GRIK2: variants seen among roughly 807,000 people sequenced by gnomAD.
GRIK2 encodes glutamate ionotropic receptor kainate type subunit 2, also known as glutamate receptor ionotropic, kainate 2.
Under a neutral mutation model 100.3 loss-of-function variants are expected in GRIK2, and 32 were observed. That is an observed-to-expected ratio of 0.32 (90% CI 0.24 to 0.43). GRIK2 has a LOEUF of 0.43. Ranked by LOEUF, GRIK2 falls within the 20% of genes least tolerant of loss-of-function variation. GRIK2 has a pLI of 1.00. For missense variants in GRIK2, 843 were observed against 1,114.9 expected (o/e 0.76, Z 3.47); for synonymous variants, 417 against 389.4 (o/e 1.07, Z -0.83).
chr6:101,909,937 A>T (rs955947084), intron 12 of GRIK2, among the ~76,000 whole-genome samples: 2 of 151,242 alleles, frequency 1.3e-5, no homozygotes, highest in Admixed American at 6.6e-5. Flanking sequence ...TATCAGAAAT[A>T]AAAATCTGAT....
intron 14 of GRIK2, among the ~76,000 whole-genome samples, chr6:102,017,345 C>T (rs918410096): frequency 6.6e-6 from 1 of 152,136 alleles, no homozygotes; most frequent in Non-Finnish European, 1.5e-5. Context: ...GTCATGAGAA[C>T]AGCATGGTGG....
intron 14 of GRIK2, among the ~76,000 whole-genome samples, chr6:102,020,505 G>C (rs1194126746): frequency 6.6e-6 from 1 of 151,814 alleles, no homozygotes; most frequent in Non-Finnish European, 1.5e-5. Context: ...CTGAAGACAG[G>C]CCAAGGTGAT....
intron 14 of GRIK2, among the ~76,000 whole-genome samples, chr6:101,952,116 A>T (rs1345051791): frequency 6.6e-6 from 1 of 152,172 alleles, no homozygotes; most frequent in East Asian, 1.9e-4. Flanking sequence ...CCATTTCAGC[A>T]ATTTTGTCAC....
At chr6:101,744,519 CGCGCATATATATATAT>C (rs1224577110) in intron 7 of GRIK2, 1 of 75,578 alleles carries the variant, frequency 1.3e-5, no homozygotes, top group Admixed American at 1.5e-4. Context: ...TGTGTGCGTG[CGCGCATATATATATAT>C]ATATATATAT....
chr6:101,593,078 T>G (rs1778751682), intron 2 of GRIK2, among the ~76,000 whole-genome samples: 1 of 151,946 alleles, frequency 6.6e-6, no homozygotes, highest in South Asian at 2.1e-4. Flanking sequence ...AAATAAGGAA[T>G]TTAGATTGCT....
chr6:101,868,140 C>A (rs989703690), intron 11 of GRIK2, among the ~76,000 whole-genome samples: 1 of 150,428 alleles, frequency 6.6e-6, no homozygotes, highest in African/African-American at 2.5e-5. Context: ...AAACTGGAAG[C>A]AACTAATTTG....
chr6:101,896,322 G>T (rs1337229420), intron 12 of GRIK2, among the ~76,000 whole-genome samples: 2 of 151,664 alleles, frequency 1.3e-5, no homozygotes, highest in Non-Finnish European at 3.0e-5. Flanking sequence ...ATCTTCAGAG[G>T]AGAAATCAAA....
At chr6:101,838,836 A>G (rs1783315494) in intron 10 of GRIK2, among the ~76,000 whole-genome samples, 2 of 151,996 alleles carry the variant, frequency 1.3e-5, no homozygotes, top group South Asian at 2.1e-4. Context: ...TATTTTTAGT[A>G]GAGACGAGGT....
At chr6:101,520,905 G>A (rs1464464939) in intron 2 of GRIK2, among the ~76,000 whole-genome samples, 1 of 151,834 alleles carries the variant, frequency 6.6e-6, no homozygotes, top group Non-Finnish European at 1.5e-5. Context: ...TCAACTCAAA[G>A]TTTTCAAAAT....
intron 12 of GRIK2, 153 bp downstream of exon 12, chr6:101,890,016 A>G: frequency 1.6e-6 from 1 of 615,882 alleles, no homozygotes; most frequent in East Asian, 2.7e-5. Flanking sequence ...ACATTCATTT[A>G]TTAAAATGTA....
chr6:102,024,028 A>G (rs1335024), intron 14 of GRIK2, among the ~76,000 whole-genome samples: 41,002 of 151,062 alleles, frequency 0.27, 5,971 homozygotes, highest in East Asian at 0.34. Context: ...AGAGTCTAAA[A>G]TCATAGAGCA....
intron 2 of GRIK2, among the ~76,000 whole-genome samples, chr6:101,460,030 T>C (rs1771218116): frequency 6.6e-6 from 1 of 152,192 alleles, no homozygotes; most frequent in Non-Finnish European, 1.5e-5. Flanking sequence ...GTGCTGGGAT[T>C]ATAGGCATGA....
intron 7 of GRIK2, among the ~76,000 whole-genome samples, chr6:101,725,494 C>A (rs917690978): frequency 5.3e-5 from 8 of 151,864 alleles, no homozygotes; most frequent in Non-Finnish European, 1.2e-4. Flanking sequence ...TCTGTATTTG[C>A]CTTGTATATC....
At chr6:101,968,233 A>T (rs1405065606) in intron 14 of GRIK2, among the ~76,000 whole-genome samples, 1 of 152,114 alleles carries the variant, frequency 6.6e-6, no homozygotes, top group Admixed American at 6.6e-5. Flanking sequence ...TTTTAAGGAC[A>T]TAAACACATA....
intron 14 of GRIK2, among the ~76,000 whole-genome samples, chr6:101,971,501 T>A (rs1793050340): frequency 6.6e-6 from 1 of 152,008 alleles, no homozygotes; most frequent in Non-Finnish European, 1.5e-5. Flanking sequence ...CATGTCAAGG[T>A]TATTTTCTAA....
At chr6:101,603,412 C>A (rs191391157) in intron 2 of GRIK2, among the ~76,000 whole-genome samples, 2 of 151,470 alleles carry the variant, frequency 1.3e-5, no homozygotes, top group Admixed American at 1.3e-4. Context: ...GAATAAATAA[C>A]CACGATTTGG....
chr6:101,907,943 T>C (rs1230729842), intron 12 of GRIK2, among the ~76,000 whole-genome samples: 1 of 151,540 alleles, frequency 6.6e-6, no homozygotes, highest in African/African-American at 2.4e-5. Flanking sequence ...GGAATTTTCT[T>C]CCTCCTCTCC....
chr6:101,483,073 C>T (rs1322297532), intron 2 of GRIK2, among the ~76,000 whole-genome samples: 1 of 152,156 alleles, frequency 6.6e-6, no homozygotes, highest in African/African-American at 2.4e-5. Context: ...TTTACAAATA[C>T]ATAGCAACAA....
chr6:101,586,528 T>G (rs1040641350), intron 2 of GRIK2, among the ~76,000 whole-genome samples: 18 of 151,866 alleles, frequency 1.2e-4, no homozygotes, highest in African/African-American at 4.4e-4. Context: ...AAATTCCCTC[T>G]CAGGATGAGT....
Sources: gnomAD v4.1 joint callset for allele counts (sites outside exome capture counted in the v4.1 genomes callset) on GRCh38, gnomAD v4.1.1 for gene constraint, MANE v1.5 for transcripts, NCBI Gene and HGNC (gene_info 2026-07-23, HGNC 2026-07-21) for gene names.